The following ACACA variants were observed in gnomAD, a reference collection of about 807,000 sequenced individuals.
ACACA encodes the protein acetyl-CoA carboxylase 1.
ACACA carries 103 observed loss-of-function variants against 296.1 expected under a neutral mutation model. The ratio of observed to expected loss-of-function variants is 0.35; its 90% CI spans 0.30 to 0.41. ACACA has a LOEUF of 0.41. Ranked by LOEUF, ACACA falls within the 10% of genes least tolerant of loss-of-function variation. The pLI, the probability that ACACA is intolerant of heterozygous loss-of-function variation, is 1.00. For missense variants in ACACA, 1,554 were observed against 2,989.7 expected (o/e 0.52, Z 11.20); for synonymous variants, 953 against 1,038.6 (o/e 0.92, Z 1.58).
intron 25 of ACACA, among the ~76,000 whole-genome samples, chr17:37,230,010 G>A (rs1318300478): frequency 6.6e-6 from 1 of 151,938 alleles, no homozygotes; most frequent in Non-Finnish European, 1.5e-5. Context: ...GCAGTGAGCT[G>A]AGATTGCGTC....
chr17:37,227,454 G>A lies in ACACA; in HGVS notation c.3247-1002C>T, dbSNP rs1207842940. On this transcript the variant is annotated intron_variant, in intron 25 of 55. Transcript: ENST00000616317. ...TGGCTGGGCAGGGTGGCTCACACCTGTAACCCCAGCATTTTGGGAGGTCAA... is the reference window on the plus strand; with the variant it reads ...TGGCTGGGCAGGGTGGCTCACACCTATAACCCCAGCATTTTGGGAGGTCAA... Among the ~76,000 whole-genome samples the A allele has an allele frequency of 2.6e-5, 4 of 152,108 alleles. No individual in the cohort carries two copies. The East Asian group carries it at 7.7e-4, about 29-fold the overall frequency.
chr17:37,242,786 C>T (rs2080481547), intron 22 of ACACA, among the ~76,000 whole-genome samples: 1 of 151,972 alleles, frequency 6.6e-6, no homozygotes. Flanking sequence ...CGCCTGTAAT[C>T]CCAGCACTTT....
intron 11 of ACACA, 124 bp downstream of exon 11, chr17:37,263,561 G>T: frequency 2.3e-6 from 2 of 871,654 alleles, no homozygotes; most frequent in Non-Finnish European, 1.9e-6. Context: ...CTAAGAAAAG[G>T]ATATAATTTT....
intron 1 of ACACA, among the ~76,000 whole-genome samples, chr17:37,374,556 G>A (rs1479003302): frequency 6.6e-6 from 1 of 151,938 alleles, no homozygotes; most frequent in Non-Finnish European, 1.5e-5. Flanking sequence ...CAAAGTGCTG[G>A]GATTACAGGC....
intron 41 of ACACA, among the ~76,000 whole-genome samples, chr17:37,170,351 G>A (rs1053887997): frequency 6.6e-6 from 1 of 151,964 alleles, no homozygotes; most frequent in African/African-American, 2.4e-5. Flanking sequence ...GAAGAGAACA[G>A]TCTTATTTAA....
intron 1 of ACACA, among the ~76,000 whole-genome samples, chr17:37,394,642 C>T (rs1343167093): frequency 6.7e-6 from 1 of 149,614 alleles, no homozygotes; most frequent in Non-Finnish European, 1.5e-5. Flanking sequence ...TTTGGGAGGC[C>T]GAGGCAGGCG....
chr17:37,291,233 T>C (rs1263029032), intron 3 of ACACA, among the ~76,000 whole-genome samples: 3 of 150,864 alleles, frequency 2.0e-5, no homozygotes, highest in East Asian at 1.9e-4. Flanking sequence ...TGGAGTACAA[T>C]GGTGCAATCT....
chr17:37,168,394 C>G (rs2076763204), intron 41 of ACACA, among the ~76,000 whole-genome samples: 1 of 151,862 alleles, frequency 6.6e-6, no homozygotes, highest in Non-Finnish European at 1.5e-5. Context: ...GCATTGATAA[C>G]TTTAACTTTT....
intron 1 of ACACA, among the ~76,000 whole-genome samples, chr17:37,381,452 C>T (rs1484645060): frequency 6.6e-6 from 1 of 151,934 alleles, no homozygotes; most frequent in Non-Finnish European, 1.5e-5. Context: ...TCCCAAAGTG[C>T]TAGGATTACA....
chr17:37,328,662 C>A (rs2047727250), intron 3 of ACACA: 1 of 358,836 alleles, frequency 2.8e-6, no homozygotes, highest in Non-Finnish European at 5.0e-6. Flanking sequence ...AGATCTCATA[C>A]AGGATTTTAT....
At chr17:37,120,431 A>C (rs1011398456) in intron 50 of ACACA, among the ~76,000 whole-genome samples, 1 of 151,748 alleles carries the variant, frequency 6.6e-6, no homozygotes, top group African/African-American at 2.4e-5. Flanking sequence ...ACGCCAGCTA[A>C]GTTTTGTATT....
At chr17:37,229,099 C>T (rs1282393392) in intron 25 of ACACA, among the ~76,000 whole-genome samples, 1 of 148,784 alleles carries the variant, frequency 6.7e-6, no homozygotes, top group African/African-American at 2.5e-5. Flanking sequence ...AGCCGAGATC[C>T]GGCCACTGCA....
intron 45 of ACACA, among the ~76,000 whole-genome samples, chr17:37,142,431 AAT>A (rs2075629713): frequency 6.6e-6 from 1 of 152,232 alleles, no homozygotes; most frequent in South Asian, 2.1e-4. Flanking sequence ...CAGATTTACC[AAT>A]ATTTTATGTG....
chr17:37,150,743 ACT>A (rs2076003630), intron 44 of ACACA, among the ~76,000 whole-genome samples: 1 of 151,640 alleles, frequency 6.6e-6, no homozygotes, highest in African/African-American at 2.4e-5. Flanking sequence ...ATAGAGTAAG[ACT>A]CTGTCTCTTA....
At chr17:37,340,607 T>C (rs921686662) in intron 1 of ACACA, among the ~76,000 whole-genome samples, 2 of 152,166 alleles carry the variant, frequency 1.3e-5, no homozygotes, top group Non-Finnish European at 2.9e-5. Context: ...AAAGAACCTA[T>C]TACACTGGTA....
intron 28 of ACACA, 56 bp from the exon 29 acceptor site, chr17:37,221,898 A>G (rs1478366337): frequency 1.4e-6 from 2 of 1,472,430 alleles, no homozygotes; most frequent in Non-Finnish European, 1.9e-6. Context: ...TTAAGAAAAT[A>G]GCCCAGAAAA....
At chr17:37,255,217 T>C (rs915016159) in intron 14 of ACACA, among the ~76,000 whole-genome samples, 3 of 152,126 alleles carry the variant, frequency 2.0e-5, no homozygotes, top group African/African-American at 7.2e-5. Flanking sequence ...ATGCTTACTA[T>C]GTTCAGGGGA....
chr17:37,390,266 TATATA>T (rs2050773232), intron 1 of ACACA, among the ~76,000 whole-genome samples: 3 of 69,462 alleles, frequency 4.3e-5, no homozygotes, highest in East Asian at 5.8e-4. Flanking sequence ...TATATAATTA[TATATA>T]ATATATTATA....
At chr17:37,339,877 GT>G (rs745594775) in intron 1 of ACACA, 27 bp from the exon 2 acceptor site, 7,990 of 906,460 alleles carry the variant, frequency 8.8e-3, no homozygotes, top group South Asian at 0.012. Flanking sequence ...AGATTTTAAG[GT>G]TTTTTTTTTT....
Sources: allele counts gnomAD v4.1 joint callset (sites outside exome capture counted in the v4.1 genomes callset), GRCh38; gene constraint gnomAD v4.1.1; transcripts MANE v1.5; gene names NCBI Gene and HGNC (gene_info 2026-07-23, HGNC 2026-07-21).